The following ARSH variants were observed in gnomAD, a reference collection of about 807,000 sequenced individuals.
The protein encoded by ARSH is arylsulfatase family member H.
In ARSH, 32 loss-of-function variants were observed where a neutral mutation model predicts 28.7. The ratio of observed to expected loss-of-function variants is 1.11; its 90% CI spans 0.84 to 1.50. The LOEUF is 1.50. Ranked by LOEUF, ARSH falls within the 40% of genes most tolerant of loss-of-function variation. The pLI is 0.00. For missense variants in ARSH, 440 were observed against 452.4 expected (o/e 0.97, Z 0.25); for synonymous variants, 176 against 177.3 (o/e 0.99, Z 0.06).
intron 7 of ARSH, 123 bp from the exon 8 acceptor site, chrX:3,029,124 C>G: frequency 8.5e-6 from 6 of 709,908 alleles, no homozygotes; most frequent in East Asian, 3.5e-5. Context: ...TTATCTTTCG[C>G]CTCCTTCTCT....
At chrX:3,023,601 C>A (rs1401441518) in intron 5 of ARSH, among the ~76,000 whole-genome samples, 1 of 105,705 alleles carries the variant, frequency 9.5e-6, no homozygotes, top group Non-Finnish European at 1.9e-5. Flanking sequence ...TGTTCTATTC[C>A]ATAATTGATT....
chrX:3,028,523 T>C (rs1165436540), intron 7 of ARSH, among the ~76,000 whole-genome samples: 2 of 110,985 alleles, frequency 1.8e-5, no homozygotes, highest in Non-Finnish European at 3.8e-5. Context: ...CTATGAGCTT[T>C]AAAATGAACA....
Position 3,029,301 on chromosome X carries a change from C to A in ARSH, c.1254C>A (p.Ser418=), listed in dbSNP as rs753683099. 2 of 1,208,125 alleles carry A rather than the reference C, an allele frequency of 1.7e-6. No homozygotes were observed. Among genetic ancestry groups the A allele is most frequent in the African/African-American group, 3.5e-5 (2 of 56,713 alleles). Residue 418 remains serine, a synonymous_variant, in exon 8 of 9, where the codon TCC becomes TCA. Coordinates refer to ENST00000381130, the MANE Select transcript of ARSH (RefSeq NM_001011719.2). ...TGCTGGAAGGAAGGGCGTCCCACTC[C>A]GACCACGAGTTCCTCTTCCACTACT... ...MPLLEGRASH[S]DHEFLFHYCG...
chrX:3,021,934 GTT>G (rs1268013914), intron 5 of ARSH, among the ~76,000 whole-genome samples: 1 of 107,382 alleles, frequency 9.3e-6, no homozygotes, highest in Non-Finnish European at 1.9e-5. Flanking sequence ...TTGTAGTGGA[GTT>G]TTGCCATCTT....
intron 7 of ARSH, among the ~76,000 whole-genome samples, chrX:3,027,688 C>T (rs987691677): frequency 8.9e-6 from 1 of 112,183 alleles, no homozygotes; most frequent in African/African-American, 3.2e-5. Context: ...TCATATTACA[C>T]TTATGCCTGT....
In ARSH at chrX:3,027,349, G is replaced by A. The variant is rs201716485; in HGVS notation, c.1073G>A (p.Arg358His). ...ATGGGAGGATGGGAAGGAGGTATCC[G>A]TGTGCCAGGGATATTCCGGTGGCCG... ...KGMGGWEGGI[R>H]VPGIFRWPSV... The change falls in exon 7 of 9, where the codon CGT (arginine) becomes CAT (histidine). Residue 358 changes from arginine to histidine, a missense_variant. Arg to His is a conservative substitution (Grantham distance 29). Transcript: ENST00000381130. 4.1e-6 allele frequency: 5 copies of A among 1,209,328 alleles called. No homozygotes were observed. The highest frequency in any genetic ancestry group is 4.5e-6 in the Non-Finnish European group (4 of 894,930).
At position 3,015,133 on chromosome X, in the gene ARSH, G is replaced by A. The variant is rs1221618221; in HGVS notation, c.504G>A (p.Trp168Ter). ...ELHRWLRIKLWISTVALALVP... is the reference protein window; with the variant it reads ...ELHRWLRIKL ...ACCGCTGGCTCAGGATCAAACTGTG[G>A]ATCTCCACGGTAGCCCTTGCCCTGG... The change falls in exon 4 of 9, where the codon TGG (tryptophan) becomes TGA (stop). Residue 168 changes from tryptophan to a stop codon, truncating the protein, a stop_gained. Coordinates refer to ENST00000381130, the MANE Select transcript of ARSH (RefSeq NM_001011719.2). LOFTEE classifies it high-confidence loss of function. 8.3e-7 allele frequency: 1 copy of A among 1,206,551 alleles called. No individual in the cohort carries two copies. Among genetic ancestry groups the A allele is most frequent in the Non-Finnish European group, 1.1e-6 (1 of 893,504 alleles).
intron 5 of ARSH, among the ~76,000 whole-genome samples, chrX:3,019,685 G>A (rs759191572): frequency 9.0e-6 from 1 of 111,082 alleles, no homozygotes; most frequent in African/African-American, 3.3e-5. Flanking sequence ...GTTATCAGCC[G>A]CCTCTGTTGA....
At chrX:3,022,521 A>G (rs2089887081) in intron 5 of ARSH, among the ~76,000 whole-genome samples, 1 of 112,276 alleles carries the variant, frequency 8.9e-6, no homozygotes, top group Non-Finnish European at 1.9e-5. Context: ...TAGCACAGAG[A>G]TGATCTAGTG....
chrX:3,012,581 A>G (rs1393365378), intron 2 of ARSH, among the ~76,000 whole-genome samples: 1 of 21,049 alleles, frequency 4.8e-5, no homozygotes, highest in African/African-American at 1.9e-4. Context: ...ATATATATAT[A>G]TATATATATA....
intron 6 of ARSH, 115 bp from the exon 7 acceptor site, chrX:3,027,198 G>T (rs1290601685): frequency 2.6e-6 from 2 of 768,587 alleles, no homozygotes; most frequent in Non-Finnish European, 3.8e-6. Context: ...GACCTCAAGT[G>T]ATCCGCCCAC....
At chrX:3,009,966 A>G in intron 1 of ARSH, 64 bp from the exon 2 acceptor site, 1 of 1,165,303 alleles carries the variant, frequency 8.6e-7, no homozygotes, top group Non-Finnish European at 1.2e-6. Flanking sequence ...AATAGCTTTG[A>G]TCCTTGATCA....
intron 5 of ARSH, among the ~76,000 whole-genome samples, 185 bp from the exon 6 acceptor site, chrX:3,023,836 C>G (rs1011982284): frequency 2.8e-5 from 3 of 108,457 alleles, no homozygotes; most frequent in Admixed American, 1.0e-4. Context: ...ATATTATATA[C>G]ACTATATTAC....
chrX:3,032,723 A>C (rs1480352202), intron 8 of ARSH, among the ~76,000 whole-genome samples: 1 of 112,118 alleles, frequency 8.9e-6, no homozygotes, highest in Non-Finnish European at 1.9e-5. Flanking sequence ...GTTTGTACCT[A>C]ATCAGATTGA....
At position 3,013,173 on chromosome X, in the gene ARSH, G is replaced by A; in HGVS notation, c.340+1G>A. 1 of 1,202,524 alleles carries A rather than the reference G, an allele frequency of 8.3e-7. No individual in the cohort carries two copies. The highest frequency in any genetic ancestry group is 1.1e-6 in the Non-Finnish European group (1 of 891,402). On this transcript the variant is annotated splice_donor_variant, in intron 3 of 8. Coordinates refer to ENST00000381130, the MANE Select transcript of ARSH (RefSeq NM_001011719.2). LOFTEE classifies it high-confidence loss of function. ...CGTGGCTACCGCACGGGACTCATAGGTATGGCGCCGGAACTCTGCCCGTGG... is the reference window on the plus strand; with the variant it reads ...CGTGGCTACCGCACGGGACTCATAGATATGGCGCCGGAACTCTGCCCGTGG...
At chrX:3,023,900 C>T (rs981476585) in intron 5 of ARSH, 121 bp from the exon 6 acceptor site, 4 of 694,316 alleles carry the variant, frequency 5.8e-6, no homozygotes, top group Non-Finnish European at 8.5e-6. Flanking sequence ...TATACAATAT[C>T]GTGTAGTGCA....
At chrX:3,012,603 T>TATATATATATAATATATATATATATA in intron 2 of ARSH, among the ~76,000 whole-genome samples, 1 of 26,794 alleles carries the variant, frequency 3.7e-5, no homozygotes, top group South Asian at 3.3e-3. Flanking sequence ...ATATATAATA[T>TATATATATATAATATATATATATATA]ATATATGTAT....
rs138812517 is a variant in ARSH, at chrX:3,033,306, C to T, written c.1610C>T (p.Pro537Leu). 672 of 1,208,973 alleles carry T rather than the reference C, an allele frequency of 5.6e-4. No homozygotes were observed. Among genetic ancestry groups the T allele is most frequent in the Non-Finnish European group, 7.2e-4 (641 of 894,631 alleles). The change falls in exon 9 of 9, where the codon CCA becomes CTA. Residue 537 changes from proline (P) to leucine (L), a missense_variant. Transcript: ENST00000381130. ...QFSVFNTIWK[P>L]WLQPCCGTFP... ...TCTGTGTTCAACACAATTTGGAAAC[C>T]ATGGCTGCAGCCTTGCTGTGGGACC...
At position 3,013,090 on chromosome X, in the gene ARSH, T is replaced by C. The variant is rs772170331; in HGVS notation, c.258T>C (p.Leu86=). 10 of 1,209,492 alleles carry C rather than the reference T, an allele frequency of 8.3e-6. No homozygotes were observed. The African/African-American group carries it at 1.6e-4, about 19-fold the overall frequency. The change falls in exon 3 of 9, where the codon CTT becomes CTC. Residue 86 remains leucine, a synonymous_variant. Coordinates refer to ENST00000381130, the MANE Select transcript of ARSH (RefSeq NM_001011719.2). ...ACCTGAACCGTGCCTTCACGTGGCT[T>C]GGTGGGTCAGGTGGTCTTCCCACCA... ...AYNLNRAFTW[L]GGSGGLPTNE...
Sources: gnomAD v4.1 joint callset for allele counts (sites outside exome capture counted in the v4.1 genomes callset) on GRCh38, gnomAD v4.1.1 for gene constraint, MANE v1.5 for transcripts, NCBI Gene and HGNC (gene_info 2026-07-23, HGNC 2026-07-21) for gene names.